Variants in NPAS3 observed in about 807,000 individuals in gnomAD.
NPAS3 encodes the protein neuronal PAS domain protein 3, also known as neuronal PAS domain-containing protein 3.
Under a neutral mutation model 73.1 loss-of-function variants are expected in NPAS3, and 14 were observed. The ratio of observed to expected loss-of-function variants is 0.19; its 90% CI spans 0.13 to 0.30. NPAS3 has a LOEUF of 0.30. Ranked by LOEUF, NPAS3 falls within the 10% of genes least tolerant of loss-of-function variation. The pLI, the probability that NPAS3 is intolerant of heterozygous loss-of-function variation, is 1.00. For synonymous variants in NPAS3, 620 were observed against 541.5 expected (o/e 1.14, Z -2.01); for missense variants, 1,096 against 1,250.0 (o/e 0.88, Z 1.86).
intron 2 of NPAS3, among the ~76,000 whole-genome samples, chr14:33,167,093 G>A (rs2045189157): frequency 6.6e-6 from 1 of 151,384 alleles, no homozygotes; most frequent in Admixed American, 6.6e-5. Context: ...CCTCTTAGAA[G>A]AATAGAATTT....
chr14:33,034,355 A>G (rs559509952), intron 1 of NPAS3, among the ~76,000 whole-genome samples: 1 of 151,962 alleles, frequency 6.6e-6, no homozygotes, highest in South Asian at 2.1e-4. Flanking sequence ...TTCTATTACA[A>G]TGTGATAAAT....
intron 3 of NPAS3, among the ~76,000 whole-genome samples, chr14:33,360,012 G>T (rs1242278154): frequency 6.6e-6 from 1 of 152,232 alleles, no homozygotes; most frequent in Non-Finnish European, 1.5e-5. Flanking sequence ...TCAAGAATGT[G>T]TTCAGGCTTG....
chr14:33,509,219 C>G (rs1330296249), intron 4 of NPAS3, among the ~76,000 whole-genome samples: 1 of 151,932 alleles, frequency 6.6e-6, no homozygotes, highest in African/African-American at 2.4e-5. Flanking sequence ...ACACTGATGA[C>G]TCCTTTGTTT....
intron 2 of NPAS3, among the ~76,000 whole-genome samples, chr14:33,175,832 T>G (rs1261035390): frequency 1.4e-3 from 2 of 1,424 alleles, no homozygotes; most frequent in African/African-American, 1.6e-3. Flanking sequence ...ACGTTATCAT[T>G]TTTTTATCTA....
chr14:33,266,413 T>C (rs1487806515), intron 3 of NPAS3, among the ~76,000 whole-genome samples: 1 of 152,124 alleles, frequency 6.6e-6, no homozygotes, highest in Non-Finnish European at 1.5e-5. Context: ...AGGTTCCAAG[T>C]CTCACACCAT....
chr14:33,377,554 C>T (rs140597269), intron 4 of NPAS3, among the ~76,000 whole-genome samples: 1 of 152,330 alleles, frequency 6.6e-6, no homozygotes, highest in East Asian at 1.9e-4. Flanking sequence ...GAAGGGAGAA[C>T]TTCTCAGAAG....
intron 1 of NPAS3, among the ~76,000 whole-genome samples, chr14:32,953,148 AC>A (rs2036550052): frequency 1.3e-5 from 2 of 151,406 alleles, no homozygotes; most frequent in African/African-American, 2.4e-5. Context: ...AAAAAAAAAA[AC>A]AGAGTTGGAA....
intron 2 of NPAS3, among the ~76,000 whole-genome samples, chr14:33,138,039 C>T (rs534754568): frequency 7.1e-6 from 1 of 141,016 alleles, no homozygotes; most frequent in South Asian, 2.3e-4. Context: ...GAGAATTGGA[C>T]ATAATCTATC....
At chr14:33,461,708 T>C (rs1182567377) in intron 4 of NPAS3, among the ~76,000 whole-genome samples, 2 of 152,206 alleles carry the variant, frequency 1.3e-5, no homozygotes, top group Admixed American at 6.5e-5. Context: ...TTGCACTTAG[T>C]ATCCAATGAT....
intron 3 of NPAS3, among the ~76,000 whole-genome samples, chr14:33,316,343 T>TG (rs2140217552): frequency 6.6e-6 from 1 of 152,174 alleles, no homozygotes; most frequent in South Asian, 2.1e-4. Context: ...GGAAAATACG[T>TG]GAGCAGCAAT....
intron 4 of NPAS3, among the ~76,000 whole-genome samples, chr14:33,378,568 A>G (rs2046402989): frequency 1.3e-5 from 2 of 152,102 alleles, no homozygotes; most frequent in African/African-American, 4.8e-5. Flanking sequence ...CCCCGGAGGT[A>G]GAGACTGCAG....
At chr14:33,277,855 A>G (rs1042985598) in intron 3 of NPAS3, among the ~76,000 whole-genome samples, 14 of 152,128 alleles carry the variant, frequency 9.2e-5, no homozygotes, top group Admixed American at 3.9e-4. Flanking sequence ...CAGGATGGGT[A>G]TAGACCTGAT....
intron 3 of NPAS3, among the ~76,000 whole-genome samples, chr14:33,237,620 G>C (rs1278127070): frequency 6.6e-6 from 1 of 152,050 alleles, no homozygotes; most frequent in Non-Finnish European, 1.5e-5. Flanking sequence ...CGGCTTCAGA[G>C]AGGCAACATG....
chr14:33,620,854 T>A (rs2058057892), intron 5 of NPAS3, among the ~76,000 whole-genome samples: 1 of 152,138 alleles, frequency 6.6e-6, no homozygotes, highest in African/African-American at 2.4e-5. Context: ...CAAAGGATGG[T>A]CCAGAAAATG....
intron 2 of NPAS3, among the ~76,000 whole-genome samples, chr14:33,071,639 C>T (rs892537797): frequency 2.0e-5 from 3 of 152,142 alleles, no homozygotes; most frequent in African/African-American, 7.2e-5. Context: ...GCAACATTTA[C>T]TGTTTAGCAT....
At chr14:33,637,174 T>C (rs1399621583) in intron 5 of NPAS3, among the ~76,000 whole-genome samples, 1 of 152,226 alleles carries the variant, frequency 6.6e-6, no homozygotes, top group Non-Finnish European at 1.5e-5. Context: ...TTCCCCATAA[T>C]GCTCTAAAGA....
intron 4 of NPAS3, among the ~76,000 whole-genome samples, chr14:33,383,588 T>G (rs1485772472): frequency 6.6e-6 from 1 of 152,190 alleles, no homozygotes; most frequent in East Asian, 1.9e-4. Flanking sequence ...TCTGATTACT[T>G]ACATTTGGTT....
At chr14:33,274,317 G>A (rs1316157135) in intron 3 of NPAS3, among the ~76,000 whole-genome samples, 1 of 152,210 alleles carries the variant, frequency 6.6e-6, no homozygotes, top group Non-Finnish European at 1.5e-5. Context: ...TAAGGAGGCA[G>A]CATTAGGCTA....
At chr14:33,469,552 G>C (rs182902187) in intron 4 of NPAS3, among the ~76,000 whole-genome samples, 5 of 152,268 alleles carry the variant, frequency 3.3e-5, no homozygotes, top group Non-Finnish European at 7.3e-5. Flanking sequence ...AGACCTCATG[G>C]CTTCCTGACC....
Sources: allele counts gnomAD v4.1 joint callset (sites outside exome capture counted in the v4.1 genomes callset), GRCh38; gene constraint gnomAD v4.1.1; transcripts MANE v1.5; gene names NCBI Gene and HGNC (gene_info 2026-07-23, HGNC 2026-07-21).